RORA: variants seen among roughly 807,000 people sequenced by gnomAD.
The protein encoded by RORA is nuclear receptor ROR-alpha.
In RORA, 7 loss-of-function variants were observed where a neutral mutation model predicts 69.5. The ratio of observed to expected loss-of-function variants is 0.10; its 90% CI spans 0.06 to 0.19. The LOEUF (loss-of-function observed/expected upper bound fraction) is 0.19. RORA is among the 10% of genes least tolerant of loss of function. The pLI, the probability that RORA is intolerant of heterozygous loss-of-function variation, is 1.00. For missense variants in RORA, 457 were observed against 663.0 expected, an observed-to-expected ratio of 0.69 and a Z score of 3.41; for synonymous variants, 261 against 240.8, an observed-to-expected ratio of 1.08 and a Z score of -0.78.
At chr15:60,669,571 T>C (rs568807224) in intron 2 of RORA, among the ~76,000 whole-genome samples, 2 of 152,314 alleles carry the variant, frequency 1.3e-5, no homozygotes, top group South Asian at 2.1e-4. Flanking sequence ...ACATTGGTTA[T>C]GAGAGAAAGC....
chr15:61,008,197 CTCTCTCTGTGTG>C (rs1239633132), intron 1 of RORA, among the ~76,000 whole-genome samples: 8 of 89,102 alleles, frequency 9.0e-5, no homozygotes, highest in Non-Finnish European at 1.8e-4. Flanking sequence ...AAAATTCTCT[CTCTCTCTGTGTG>C]TGTGTGTGTG....
chr15:60,970,885 C>A (rs1893693663), intron 1 of RORA, among the ~76,000 whole-genome samples: 1 of 152,100 alleles, frequency 6.6e-6, no homozygotes, highest in African/African-American at 2.4e-5. Flanking sequence ...AATGGAAGGG[C>A]CTTCCTATGC....
chr15:60,971,184 C>T (rs530323972), intron 1 of RORA, among the ~76,000 whole-genome samples: 3 of 152,312 alleles, frequency 2.0e-5, no homozygotes, highest in South Asian at 4.1e-4. Flanking sequence ...TTAGAGGAAA[C>T]TCAGCTTTGG....
chr15:61,046,550 A>T (rs1402763391), intron 1 of RORA, among the ~76,000 whole-genome samples: 1 of 152,190 alleles, frequency 6.6e-6, no homozygotes, highest in African/African-American at 2.4e-5. Context: ...GAGCCGCAGG[A>T]AGGGTACTGC....
intron 1 of RORA, among the ~76,000 whole-genome samples, chr15:60,863,041 A>T (rs1407456584): frequency 3.3e-5 from 5 of 152,262 alleles, no homozygotes; most frequent in African/African-American, 1.2e-4. Context: ...GGCATTAAAA[A>T]TGGGCTGTCT....
intron 1 of RORA, among the ~76,000 whole-genome samples, chr15:60,702,052 A>G (rs1222171556): frequency 7.2e-5 from 11 of 152,300 alleles, no homozygotes; most frequent in Admixed American, 5.9e-4. Flanking sequence ...TGAGAGAGGT[A>G]GTTTAGGATT....
intron 10 of RORA, among the ~76,000 whole-genome samples, chr15:60,499,472 G>A (rs1470196515): frequency 6.6e-6 from 1 of 152,184 alleles, no homozygotes; most frequent in East Asian, 1.9e-4. Context: ...CAGAAGTTCA[G>A]GGTTGCATAG....
intron 1 of RORA, among the ~76,000 whole-genome samples, chr15:60,791,593 T>C (rs779557852): frequency 7.2e-5 from 11 of 152,102 alleles, no homozygotes; most frequent in Non-Finnish European, 1.5e-4. Context: ...AGGGGAGAAA[T>C]TCTGGAAAGG....
At chr15:60,623,271 G>A (rs235512) in intron 2 of RORA, among the ~76,000 whole-genome samples, 89,652 of 151,992 alleles carry the variant, frequency 0.59, 26,433 homozygotes, top group East Asian at 0.68. Context: ...CCAGGAATCT[G>A]GAGAGGGGTC....
At chr15:61,137,449 C>G (rs1351573524) in intron 1 of RORA, among the ~76,000 whole-genome samples, 1 of 152,202 alleles carries the variant, frequency 6.6e-6, no homozygotes, top group Admixed American at 6.5e-5. Context: ...GTTCTTCCTA[C>G]AAAATTAGTA....
At chr15:60,821,909 A>T (rs955878780) in intron 1 of RORA, among the ~76,000 whole-genome samples, 14 of 152,218 alleles carry the variant, frequency 9.2e-5, no homozygotes, top group Non-Finnish European at 2.1e-4. Context: ...TGAGGATTGG[A>T]ATCCAGGCAG....
At chr15:60,804,817 T>G (rs2072637902) in intron 1 of RORA, among the ~76,000 whole-genome samples, 1 of 152,250 alleles carries the variant, frequency 6.6e-6, no homozygotes, top group Non-Finnish European at 1.5e-5. Flanking sequence ...CTTTCTCAGT[T>G]AATATCTCTT....
At chr15:60,962,916 C>T (rs569085988) in intron 1 of RORA, among the ~76,000 whole-genome samples, 4 of 152,312 alleles carry the variant, frequency 2.6e-5, no homozygotes, top group African/African-American at 7.2e-5. Flanking sequence ...GGGAAGACAA[C>T]ATGGAGGTGG....
intron 1 of RORA, among the ~76,000 whole-genome samples, chr15:61,167,482 A>ATTTTTTTTTTTTTTTTTTTTTT (rs199752865): frequency 1.5e-5 from 2 of 133,652 alleles, no homozygotes; most frequent in African/African-American, 5.7e-5. Flanking sequence ...TTTGACCAGG[A>ATTTTTTTTTTTTTTTTTTTTTT]TTTTTTTTTT....
At chr15:60,512,517 A>G (rs1312014953) in intron 4 of RORA, among the ~76,000 whole-genome samples, 2 of 152,148 alleles carry the variant, frequency 1.3e-5, no homozygotes, top group Non-Finnish European at 2.9e-5. Flanking sequence ...CTGGAACTCC[A>G]GGGCTCAAGC....
At chr15:61,077,832 C>T (rs574124955) in intron 1 of RORA, among the ~76,000 whole-genome samples, 1 of 152,140 alleles carries the variant, frequency 6.6e-6, no homozygotes, top group African/African-American at 2.4e-5. Context: ...ACAAAGGTAG[C>T]GCTTCCATTT....
intron 1 of RORA, among the ~76,000 whole-genome samples, chr15:60,792,371 G>C (rs528294391): frequency 6.6e-6 from 1 of 152,272 alleles, no homozygotes; most frequent in African/African-American, 2.4e-5. Context: ...AGTAGAGAGA[G>C]AATGAAGCAG....
intron 1 of RORA, among the ~76,000 whole-genome samples, chr15:60,952,685 T>C (rs12594733): frequency 0.26 from 39,237 of 151,606 alleles, 6,261 homozygotes; most frequent in East Asian, 0.62. Flanking sequence ...TGAACTCCCA[T>C]TCATAATTGC....
At chr15:60,982,923 T>C (rs1428422523) in intron 1 of RORA, among the ~76,000 whole-genome samples, 1 of 152,178 alleles carries the variant, frequency 6.6e-6, no homozygotes, top group Non-Finnish European at 1.5e-5. Flanking sequence ...TGTTGTTTTG[T>C]TTTGTATTTT....
Sources: allele counts gnomAD v4.1 joint callset (sites outside exome capture counted in the v4.1 genomes callset), GRCh38; gene constraint gnomAD v4.1.1; transcripts MANE v1.5; gene names NCBI Gene and HGNC (gene_info 2026-07-23, HGNC 2026-07-21).